ST6GALNAC3: variants seen among roughly 807,000 people sequenced by gnomAD.
ST6GALNAC3 encodes alpha-N-acetylgalactosaminide alpha-2,6-sialyltransferase 3.
ST6GALNAC3 carries 25 observed loss-of-function variants against 32.7 expected under a neutral mutation model. The ratio of observed to expected loss-of-function variants is 0.76; its 90% confidence interval spans 0.56 to 1.07. The LOEUF (loss-of-function observed/expected upper bound fraction) is 1.07. Ranked by LOEUF, ST6GALNAC3 falls within the 50% of genes least tolerant of loss-of-function variation. ST6GALNAC3 has a pLI of 0.00. For synonymous variants in ST6GALNAC3, 129 were observed against 133.1 expected (o/e 0.97, Z 0.21); for missense variants, 355 against 382.4 (o/e 0.93, Z 0.60).
At chr1:76,152,106 C>G (rs910457461) in intron 1 of ST6GALNAC3, among the ~76,000 whole-genome samples, 1 of 152,156 alleles carries the variant, frequency 6.6e-6, no homozygotes, top group African/African-American at 2.4e-5. Flanking sequence ...AAGATTAAAT[C>G]CTATTTGGGA....
intron 1 of ST6GALNAC3, among the ~76,000 whole-genome samples, chr1:76,303,927 A>C (rs1012407908): frequency 6.6e-6 from 1 of 151,612 alleles, no homozygotes; most frequent in African/African-American, 2.4e-5. Flanking sequence ...AATTTTTCTC[A>C]CTTCTCTTTA....
intron 1 of ST6GALNAC3, among the ~76,000 whole-genome samples, chr1:76,272,752 G>C (rs773734522): frequency 6.6e-6 from 1 of 152,228 alleles, no homozygotes; most frequent in Middle Eastern, 3.4e-3. Flanking sequence ...AACACCCTTG[G>C]GATTTACTGA....
Position 76,634,068 on chromosome 1 carries a change from T to G in ST6GALNAC3, c.*5262T>G, listed in dbSNP as rs1557645082. Reference sequence around the variant, plus strand: ...TTTTTTTTTTTCAGTTAACTACTTGTTTGTTTCTTTTCAGAATAGGCACTT... The same window carrying G: ...TTTTTTTTTTTCAGTTAACTACTTGGTTGTTTCTTTTCAGAATAGGCACTT... On this transcript the variant is annotated 3_prime_UTR_variant, in exon 5 of 5. Transcript: ENST00000328299. 1 of 701,926 alleles carries G rather than the reference T, an allele frequency of 1.4e-6. No individual in the cohort carries two copies. The highest frequency in any genetic ancestry group is 1.9e-5 in the African/African-American group (1 of 51,520). The allele number at this position is 701,926 out of a possible 1,614,324, so 43.5% of individuals were successfully genotyped here.
chr1:76,460,589 T>C (rs11809667), intron 3 of ST6GALNAC3, among the ~76,000 whole-genome samples: 7,723 of 152,284 alleles, frequency 0.051, 669 homozygotes, highest in African/African-American at 0.18. Context: ...CTGTTGCATC[T>C]GTAAAGTTTC....
chr1:76,413,625 A>G lies in ST6GALNAC3; in HGVS notation c.623+1208A>G, dbSNP rs576812812. Among the ~76,000 whole-genome samples, 15 of 152,240 alleles carry G rather than the reference A, an allele frequency of 9.9e-5. 1 individual carries two copies. The highest frequency in any genetic ancestry group is 3.6e-4 in the African/African-American group (15 of 41,570). ...AATTTAACATTTTCTACTTCTGAGC[A>G]CCAAAAATACACAGCTTCATATGAA... On this transcript the variant is annotated intron_variant, in intron 3 of 4. Coordinates refer to ENST00000328299, the MANE Select transcript of ST6GALNAC3 (RefSeq NM_152996.4).
chr1:76,304,900 C>T (rs767490449), intron 1 of ST6GALNAC3, among the ~76,000 whole-genome samples: 2 of 151,956 alleles, frequency 1.3e-5, no homozygotes, highest in East Asian at 1.9e-4. Context: ...AAACTCATCT[C>T]GTTTAGAGTG....
intron 2 of ST6GALNAC3, among the ~76,000 whole-genome samples, chr1:76,348,746 C>CTA (rs58104334): frequency 0.012 from 1,757 of 149,944 alleles, 40 homozygotes; most frequent in Admixed American, 0.047. Flanking sequence ...GCATGCATGC[C>CTA]TATATATATA....
intron 3 of ST6GALNAC3, among the ~76,000 whole-genome samples, chr1:76,490,091 G>A (rs998542272): frequency 6.6e-6 from 1 of 152,068 alleles, no homozygotes; most frequent in Non-Finnish European, 1.5e-5. Flanking sequence ...ACAGCCTCTG[G>A]GAGTTAGGGG....
At chr1:76,477,455 T>C (rs1220723311) in intron 3 of ST6GALNAC3, among the ~76,000 whole-genome samples, 1 of 152,160 alleles carries the variant, frequency 6.6e-6, no homozygotes, top group African/African-American at 2.4e-5. Flanking sequence ...TAGCAGAATG[T>C]AGATCCTGGA....
At chr1:76,551,409 G>A (rs904660632) in intron 3 of ST6GALNAC3, among the ~76,000 whole-genome samples, 3 of 152,076 alleles carry the variant, frequency 2.0e-5, no homozygotes, top group African/African-American at 7.2e-5. Context: ...TTCCACAGAG[G>A]CCCACACATG....
chr1:76,139,954 T>G (rs1650212079), intron 1 of ST6GALNAC3, among the ~76,000 whole-genome samples: 5 of 152,208 alleles, frequency 3.3e-5, no homozygotes, highest in Admixed American at 3.3e-4. Flanking sequence ...GAGGAATAAA[T>G]TCAATCCTAA....
intron 1 of ST6GALNAC3, among the ~76,000 whole-genome samples, chr1:76,214,010 C>A (rs1467672500): frequency 6.6e-6 from 1 of 152,018 alleles, no homozygotes; most frequent in African/African-American, 2.4e-5. Context: ...TTGAAAGAAA[C>A]CCAAGAAAGA....
rs140268074 is a variant in ST6GALNAC3 at position 76,362,268 on chromosome 1, G to A, written c.213+48269G>A. Among the ~76,000 whole-genome samples, 500 of 152,186 alleles carry A rather than the reference G, an allele frequency of 3.3e-3. 1 individual carries two copies. Among genetic ancestry groups the A allele is most frequent in the African/African-American group, 0.011 (473 of 41,530 alleles). ...TTATCACCAAGACAATACCAAGGGG[G>A]ATGGTGTTAAACTATTCAGGAGAAA... On this transcript the variant is annotated intron_variant, in intron 2 of 4. Transcript: ENST00000328299.
intron 1 of ST6GALNAC3, among the ~76,000 whole-genome samples, chr1:76,286,384 A>AT (rs759616806): frequency 6.6e-6 from 1 of 152,124 alleles, no homozygotes; most frequent in Non-Finnish European, 1.5e-5. Flanking sequence ...CAGTGGTCCA[A>AT]TTTTTTCTGC....
At chr1:76,253,767 G>A (rs1014021006) in intron 1 of ST6GALNAC3, among the ~76,000 whole-genome samples, 1 of 152,150 alleles carries the variant, frequency 6.6e-6, no homozygotes, top group African/African-American at 2.4e-5. Flanking sequence ...TTTAGCACAG[G>A]TGGCCCTCTT....
At chr1:76,585,100 C>A (rs559909510) in intron 3 of ST6GALNAC3, among the ~76,000 whole-genome samples, 2 of 152,240 alleles carry the variant, frequency 1.3e-5, no homozygotes, top group South Asian at 4.2e-4. Flanking sequence ...TATAAATATT[C>A]TTGGCCGGGC....
At chr1:76,467,510 A>T (rs1658718216) in intron 3 of ST6GALNAC3, among the ~76,000 whole-genome samples, 1 of 152,044 alleles carries the variant, frequency 6.6e-6, no homozygotes, top group Admixed American at 6.6e-5. Flanking sequence ...CAGATGATGA[A>T]TTATTAAGTA....
In ST6GALNAC3 at chr1:76,089,638, A is replaced by C. The variant is rs184637747; in HGVS notation, c.18+14754A>C. Among the ~76,000 whole-genome samples, 769 of 152,338 alleles carry C rather than the reference A, an allele frequency of 5.0e-3. 12 individuals are homozygous for C. Among genetic ancestry groups the C allele is most frequent in the African/African-American group, 0.017 (718 of 41,576 alleles). On this transcript the variant is annotated intron_variant, in intron 1 of 4. Transcript: ENST00000328299. ...TTAAATTTTCCATTTGATGAAGGGA[A>C]TCAAGTTTGAGCATTATCTCTTGGG...
chr1:76,389,011 CCT>C (rs1491247263), intron 2 of ST6GALNAC3, among the ~76,000 whole-genome samples: 6 of 107,922 alleles, frequency 5.6e-5, no homozygotes, highest in Middle Eastern at 0.012. Flanking sequence ...TGGTATATTT[CCT>C]TTTTTTTTTT....
Sources: allele counts gnomAD v4.1 joint callset (sites outside exome capture counted in the v4.1 genomes callset), GRCh38; gene constraint gnomAD v4.1.1; transcripts MANE v1.5; gene names NCBI Gene and HGNC (gene_info 2026-07-23, HGNC 2026-07-21).